LMBR1: variants seen among roughly 807,000 people sequenced by gnomAD.
LMBR1 encodes limb development membrane protein 1.
LMBR1 carries 52 observed loss-of-function variants against 73.9 expected under a neutral mutation model. The ratio of observed to expected loss-of-function variants is 0.70; its 90% CI spans 0.56 to 0.89. The LOEUF (loss-of-function observed/expected upper bound fraction) is 0.89. Among genes scored for constraint, LMBR1 ranks in the 40% least tolerant of loss-of-function variants. The pLI is 0.00. For missense variants in LMBR1, 539 were observed against 579.8 expected (o/e 0.93, Z 0.72); for synonymous variants, 215 against 209.4 (o/e 1.03, Z -0.23).
At chr7:156,801,637 T>G (rs932726786) in intron 4 of LMBR1, among the ~76,000 whole-genome samples, 1 of 152,032 alleles carries the variant, frequency 6.6e-6, no homozygotes, top group Admixed American at 6.6e-5. Flanking sequence ...ACTCAGGTGA[T>G]CCTCCCGCCT....
At chr7:156,866,234 T>C (rs1798439277) in intron 1 of LMBR1, among the ~76,000 whole-genome samples, 1 of 152,078 alleles carries the variant, frequency 6.6e-6, no homozygotes, top group Admixed American at 6.6e-5. Flanking sequence ...AACGAAACTC[T>C]CCAAAAGAAA....
At chr7:156,727,892 T>C (rs1404322906) in intron 12 of LMBR1, 38 bp downstream of exon 12, 1 of 1,466,444 alleles carries the variant, frequency 6.8e-7, no homozygotes, top group South Asian at 1.1e-5. Context: ...ATAGAATACT[T>C]TTGCAAAAGA....
chr7:156,783,809 GGAAA>G (rs1211249166), intron 5 of LMBR1, among the ~76,000 whole-genome samples: 5 of 152,094 alleles, frequency 3.3e-5, no homozygotes, highest in Non-Finnish European at 7.4e-5. Flanking sequence ...ACCCATAACA[GGAAA>G]GAAAGAAGAC....
chr7:156,788,560 TCTA>T (rs1379700080), intron 5 of LMBR1, among the ~76,000 whole-genome samples: 2 of 150,578 alleles, frequency 1.3e-5, no homozygotes, highest in Non-Finnish European at 2.9e-5. Context: ...TCCCCTGCCC[TCTA>T]CTAATACCTG....
intron 15 of LMBR1, among the ~76,000 whole-genome samples, chr7:156,701,771 A>T (rs6953472): frequency 0.17 from 26,253 of 152,062 alleles, 2,810 homozygotes; most frequent in African/African-American, 0.31. Flanking sequence ...TAGCTGTTTA[A>T]CCTGATTCTC....
intron 15 of LMBR1, among the ~76,000 whole-genome samples, chr7:156,717,815 T>C (rs1813551177): frequency 6.6e-6 from 1 of 152,066 alleles, no homozygotes; most frequent in African/African-American, 2.4e-5. Flanking sequence ...AAAGTAATAC[T>C]CAGGTGAGAT....
intron 9 of LMBR1, among the ~76,000 whole-genome samples, chr7:156,751,279 T>A (rs891145178): frequency 1.3e-5 from 2 of 151,986 alleles, no homozygotes; most frequent in African/African-American, 4.8e-5. Context: ...ACAATCGATA[T>A]CCACAAGGCT....
chr7:156,790,594 A>T (rs1829038323), intron 5 of LMBR1, among the ~76,000 whole-genome samples: 1 of 151,996 alleles, frequency 6.6e-6, no homozygotes. Context: ...TTCAAAGTAT[A>T]CCATTACAGT....
intron 10 of LMBR1, among the ~76,000 whole-genome samples, chr7:156,732,000 T>C (rs945607732): frequency 1.3e-4 from 19 of 151,400 alleles, no homozygotes; most frequent in Non-Finnish European, 2.4e-4. Context: ...AGCAAAAAAC[T>C]AGAAGCAAAT....
chr7:156,675,783 A>G (rs200889939), downstream of LMBR1: 2 of 1,614,128 alleles, frequency 1.2e-6, no homozygotes, highest in South Asian at 2.2e-5. Flanking sequence ...CTTGGCCATA[A>G]ATCGAAGTGT....
chr7:156,821,381 C>T (rs1019146212), intron 4 of LMBR1, among the ~76,000 whole-genome samples: 5 of 152,186 alleles, frequency 3.3e-5, no homozygotes, highest in African/African-American at 9.7e-5. Flanking sequence ...CAGGCCCCCA[C>T]GTTAGTGGAC....
At chr7:156,694,165 A>AT (rs779556547) in intron 15 of LMBR1, among the ~76,000 whole-genome samples, 135 of 148,564 alleles carry the variant, frequency 9.1e-4, no homozygotes, top group African/African-American at 2.1e-3. Context: ...TAATAGAGAC[A>AT]TTTTTTTTTT....
chr7:156,865,065 G>A lies in LMBR1; in HGVS notation c.66+27863C>T, dbSNP rs535562564. ...GCTCATGCTGTAAAACCAGAACTTT[G>A]GGAGGTCAAGGCAGGAGGATCGCTT... On this transcript the variant is annotated intron_variant, in intron 1 of 16. Transcript: ENST00000353442. Among the ~76,000 whole-genome samples, 397 of 151,054 alleles carry A rather than the reference G, an allele frequency of 2.6e-3. 4 individuals carry two copies. The highest frequency in any genetic ancestry group is 9.0e-3 in the African/African-American group (372 of 41,198).
chr7:156,779,529 A>C (rs1826740461), intron 5 of LMBR1: 1 of 256,000 alleles, frequency 3.9e-6, no homozygotes, highest in Non-Finnish European at 7.8e-6. Context: ...TTTAGATTTA[A>C]ATGGGAACTA....
At chr7:156,811,254 CT>C (rs1833045501) in intron 4 of LMBR1, among the ~76,000 whole-genome samples, 1 of 151,798 alleles carries the variant, frequency 6.6e-6, no homozygotes, top group Admixed American at 6.6e-5. Flanking sequence ...TTTTTTACAT[CT>C]TTTACATCTC....
At chr7:156,807,642 G>A (rs1832380119) in intron 4 of LMBR1, among the ~76,000 whole-genome samples, 1 of 151,728 alleles carries the variant, frequency 6.6e-6, no homozygotes, top group African/African-American at 2.4e-5. Flanking sequence ...CTATTTCATT[G>A]ATTTCCTCTC....
At chr7:156,855,148 G>A (rs937661210) in intron 1 of LMBR1, among the ~76,000 whole-genome samples, 9 of 152,192 alleles carry the variant, frequency 5.9e-5, no homozygotes, top group Non-Finnish European at 8.8e-5. Context: ...TTATTAATAT[G>A]CAAAGGTGGA....
At chr7:156,684,263 A>T in intron 16 of LMBR1, 100 bp from the exon 17 acceptor site, 1 of 947,808 alleles carries the variant, frequency 1.1e-6, no homozygotes. Context: ...GCTAAGTGTT[A>T]TTTGGAAAGC....
At chr7:156,745,863 T>C (rs1320184249) in intron 9 of LMBR1, among the ~76,000 whole-genome samples, 1 of 152,220 alleles carries the variant, frequency 6.6e-6, no homozygotes, top group Non-Finnish European at 1.5e-5. Flanking sequence ...TTTATAGTGT[T>C]TTCAGAGTTC....
Sources: gnomAD v4.1 joint callset for allele counts (sites outside exome capture counted in the v4.1 genomes callset) on GRCh38, gnomAD v4.1.1 for gene constraint, MANE v1.5 for transcripts, NCBI Gene and HGNC (gene_info 2026-07-23, HGNC 2026-07-21) for gene names.